CERS3: variants seen among roughly 807,000 people sequenced by gnomAD.
The protein encoded by CERS3 is ceramide synthase 3.
In CERS3, 33 loss-of-function variants were observed where a neutral mutation model predicts 50.3. The ratio of observed to expected loss-of-function variants is 0.66; its 90% confidence interval spans 0.50 to 0.88. The LOEUF is 0.88. Ranked by LOEUF, CERS3 falls within the 40% of genes least tolerant of loss-of-function variation. CERS3 has a pLI of 0.00. For missense variants in CERS3, 470 were observed against 460.3 expected, an observed-to-expected ratio of 1.02 and a Z score of -0.19; for synonymous variants, 176 against 155.2, an observed-to-expected ratio of 1.13 and a Z score of -0.99.
intron 2 of CERS3, among the ~76,000 whole-genome samples, chr15:100,517,207 G>A (rs759357403): frequency 6.6e-6 from 1 of 152,224 alleles, no homozygotes; most frequent in Admixed American, 6.5e-5. Flanking sequence ...ATTAAATAAA[G>A]TACATCATGT....
upstream of CERS3, among the ~76,000 whole-genome samples, chr15:100,532,391 T>C (rs75294868): frequency 6.6e-6 from 1 of 152,192 alleles, no homozygotes; most frequent in Non-Finnish European, 1.5e-5. Context: ...ATCAACAAAC[T>C]GTTTTCTTCT....
intron 5 of CERS3, among the ~76,000 whole-genome samples, chr15:100,480,428 C>A (rs184936562): frequency 6.6e-6 from 1 of 152,150 alleles, no homozygotes; most frequent in East Asian, 1.9e-4. Context: ...AGGAAGGAAC[C>A]TAATAAGTTT....
intron 4 of CERS3, among the ~76,000 whole-genome samples, chr15:100,488,199 T>C (rs1347061633): frequency 6.6e-6 from 1 of 152,232 alleles, no homozygotes; most frequent in Non-Finnish European, 1.5e-5. Flanking sequence ...CAATACCATG[T>C]TATGCCCTTC....
intron 1 of CERS3, among the ~76,000 whole-genome samples, chr15:100,523,576 C>T (rs924334162): frequency 6.6e-6 from 1 of 151,812 alleles, no homozygotes; most frequent in Admixed American, 6.6e-5. Context: ...TGGTGGGCGC[C>T]TGTAGTCCCA....
At chr15:100,502,958 G>T (rs576172360) in intron 2 of CERS3, among the ~76,000 whole-genome samples, 13 of 152,274 alleles carry the variant, frequency 8.5e-5, no homozygotes, top group African/African-American at 2.9e-4. Flanking sequence ...CAGGAAAATG[G>T]GGAAGAAGGA....
At chr15:100,468,420 C>G (rs2034854854) in intron 10 of CERS3, among the ~76,000 whole-genome samples, 1 of 152,110 alleles carries the variant, frequency 6.6e-6, no homozygotes, top group African/African-American at 2.4e-5. Flanking sequence ...CAGAAAATGC[C>G]GAATACACAT....
chr15:100,456,533 GA>G (rs1276176582), intron 10 of CERS3, among the ~76,000 whole-genome samples: 4 of 152,168 alleles, frequency 2.6e-5, no homozygotes, highest in Non-Finnish European at 2.9e-5. Flanking sequence ...AAAATTCCAT[GA>G]GTACTTAACA....
At chr15:100,480,687 A>C (rs1375369119) in intron 5 of CERS3, among the ~76,000 whole-genome samples, 1 of 152,206 alleles carries the variant, frequency 6.6e-6, no homozygotes, top group Admixed American at 6.5e-5. Context: ...AACACTGAAT[A>C]TTTTCTATTA....
intron 11 of CERS3, among the ~76,000 whole-genome samples, chr15:100,452,872 T>C (rs913095392): frequency 1.3e-5 from 2 of 152,134 alleles, no homozygotes; most frequent in Non-Finnish European, 2.9e-5. Flanking sequence ...TGAATAACTA[T>C]ACACTAACAA....
chr15:100,506,398 C>CAG (rs1196367740), intron 2 of CERS3, among the ~76,000 whole-genome samples: 4 of 151,920 alleles, frequency 2.6e-5, no homozygotes, highest in Non-Finnish European at 4.4e-5. Flanking sequence ...CCAGAGAGGC[C>CAG]CTTCACACCC....
intron 11 of CERS3, chr15:100,426,059 T>A (rs761592546): frequency 6.6e-6 from 1 of 152,430 alleles, no homozygotes; most frequent in Non-Finnish European, 1.5e-5. Flanking sequence ...TCCCCAGTCA[T>A]GTTACCTGTA....
intron 11 of CERS3, among the ~76,000 whole-genome samples, chr15:100,424,255 A>C (rs944379430): frequency 6.6e-6 from 1 of 152,152 alleles, no homozygotes; most frequent in African/African-American, 2.4e-5. Flanking sequence ...ATTTCTTTAC[A>C]GCAGTGCCAG....
chr15:100,525,656 G>A (rs1237760953), intron 1 of CERS3, among the ~76,000 whole-genome samples: 4 of 152,110 alleles, frequency 2.6e-5, no homozygotes, highest in South Asian at 2.1e-4. Flanking sequence ...TAATCTCTCC[G>A]TTCACTTGCC....
chr15:100,453,943 C>G (rs943901127), intron 11 of CERS3, among the ~76,000 whole-genome samples: 2 of 152,122 alleles, frequency 1.3e-5, no homozygotes, highest in African/African-American at 4.8e-5. Flanking sequence ...TAAAAGACCT[C>G]TACAAGGAAA....
At chr15:100,420,782 G>A (rs140631350) in intron 11 of CERS3, among the ~76,000 whole-genome samples, 55,708 of 150,950 alleles carry the variant, frequency 0.37, 10,756 homozygotes, top group East Asian at 0.55. Context: ...TTCAATATAC[G>A]CAAATCAATA....
chr15:100,531,173 CAT>C (rs1459714963), upstream of CERS3, among the ~76,000 whole-genome samples: 4 of 152,214 alleles, frequency 2.6e-5, no homozygotes, highest in African/African-American at 9.6e-5. Flanking sequence ...CAATGAAACA[CAT>C]GTTATTTGCT....
At chr15:100,459,460 C>A (rs577800289) in intron 10 of CERS3, among the ~76,000 whole-genome samples, 1 of 152,160 alleles carries the variant, frequency 6.6e-6, no homozygotes, top group East Asian at 1.9e-4. Context: ...AATACCTGGC[C>A]AATTTTTGTA....
chr15:100,511,388 G>C (rs974654702), intron 2 of CERS3, among the ~76,000 whole-genome samples: 1 of 152,144 alleles, frequency 6.6e-6, no homozygotes, highest in African/African-American at 2.4e-5. Flanking sequence ...AATATATAAA[G>C]AACTTCTATA....
chr15:100,467,767 C>A (rs55754200), intron 10 of CERS3, among the ~76,000 whole-genome samples: 45,738 of 104,824 alleles, frequency 0.44, 8,401 homozygotes, highest in South Asian at 0.5. Context: ...CTCTCTCTCT[C>A]TCTATATATA....
Sources: gnomAD v4.1 joint callset for allele counts (sites outside exome capture counted in the v4.1 genomes callset) on GRCh38, gnomAD v4.1.1 for gene constraint, MANE v1.5 for transcripts, NCBI Gene and HGNC (gene_info 2026-07-23, HGNC 2026-07-21) for gene names.